Variants in TMEM232 observed in about 807,000 individuals in gnomAD.
The protein encoded by TMEM232 is transmembrane protein 232.
TMEM232 carries 80 observed loss-of-function variants against 78.8 expected under a neutral mutation model. That is an observed-to-expected ratio of 1.01 (90% CI 0.85 to 1.22). The LOEUF is 1.22. TMEM232 is among the 50% of genes most tolerant of loss of function. The pLI is 0.00. For missense variants in TMEM232, 881 were observed against 742.2 expected, an observed-to-expected ratio of 1.19 and a Z score of -2.17; for synonymous variants, 297 against 254.3, an observed-to-expected ratio of 1.17 and a Z score of -1.60.
intron 12 of TMEM232, among the ~76,000 whole-genome samples, chr5:110,449,266 AGG>A (rs974711404): frequency 1.1e-4 from 17 of 152,084 alleles, no homozygotes; most frequent in Non-Finnish European, 2.4e-4. Context: ...AATGACATGA[AGG>A]AAATATGCCA....
At chr5:110,690,546 G>C (rs141312572) in intron 1 of TMEM232, among the ~76,000 whole-genome samples, 1,790 of 152,210 alleles carry the variant, frequency 0.012, 45 homozygotes, top group African/African-American at 0.04. Flanking sequence ...TTAGTTCAAC[G>C]ATTGTGGAAG....
At chr5:110,721,772 T>G (rs1466569082) in intron 1 of TMEM232, among the ~76,000 whole-genome samples, 1 of 148,638 alleles carries the variant, frequency 6.7e-6, no homozygotes, top group Non-Finnish European at 1.5e-5. Flanking sequence ...CTGTTTTGTA[T>G]ATTAGACATC....
intron 1 of TMEM232, among the ~76,000 whole-genome samples, chr5:110,697,355 A>C (rs927875490): frequency 6.6e-6 from 1 of 152,190 alleles, no homozygotes; most frequent in Non-Finnish European, 1.5e-5. Context: ...CTAGAAGAAA[A>C]CCTAGGCAAT....
intron 1 of TMEM232, among the ~76,000 whole-genome samples, chr5:110,713,131 G>GA (rs112694958): frequency 2.6e-4 from 38 of 146,120 alleles, no homozygotes; most frequent in Admixed American, 5.5e-4. Context: ...TATGTTAAGA[G>GA]AAAAAAAAAA....
chr5:110,478,886 T>C (rs990912582), intron 12 of TMEM232, among the ~76,000 whole-genome samples: 18 of 146,630 alleles, frequency 1.2e-4, no homozygotes, highest in Admixed American at 9.5e-4. Flanking sequence ...TATGAGCAGA[T>C]GGAGAAATTG....
chr5:110,436,305 A>G (rs1758427581), intron 12 of TMEM232, among the ~76,000 whole-genome samples: 1 of 151,872 alleles, frequency 6.6e-6, no homozygotes, highest in Admixed American at 6.6e-5. Flanking sequence ...AAATCAGATT[A>G]TTGGAATTTT....
downstream of TMEM232, among the ~76,000 whole-genome samples, chr5:110,418,694 AAAG>A (rs1756372936): frequency 6.6e-6 from 1 of 152,172 alleles, no homozygotes. Flanking sequence ...TGGAAGTAAG[AAAG>A]AAGGTGAACA....
intron 2 of TMEM232, among the ~76,000 whole-genome samples, chr5:110,647,925 C>T (rs1302577435): frequency 6.6e-6 from 1 of 151,920 alleles, no homozygotes; most frequent in African/African-American, 2.4e-5. Context: ...TACATTTATA[C>T]ATATCATTAT....
Position 110,390,265 on chromosome 5 carries a change from C to T in TMEM232, n.615+151G>A, listed in dbSNP as rs73782445. ...ACTGATACAATCTCACTGCAGGAGT[C>T]GTACCTCACAGAAGAGAATGGTCAG... On this transcript the variant is annotated intron_variant and non_coding_transcript_variant, in intron 4 of 8. Transcript: ENST00000507188. 4.3e-3 allele frequency among the ~76,000 whole-genome samples: 657 copies of T among 152,242 alleles called. 5 individuals are homozygous for T. Among genetic ancestry groups the T allele is most frequent in the African/African-American group, 0.015 (626 of 41,526 alleles).
At chr5:110,690,782 T>C (rs1350359922) in intron 1 of TMEM232, among the ~76,000 whole-genome samples, 1 of 152,152 alleles carries the variant, frequency 6.6e-6, no homozygotes, top group Non-Finnish European at 1.5e-5. Context: ...CACCATGGAA[T>C]ACTATGCAGC....
intron 12 of TMEM232, among the ~76,000 whole-genome samples, chr5:110,470,850 C>T (rs557048994): frequency 8.9e-4 from 135 of 152,280 alleles, no homozygotes; most frequent in Non-Finnish European, 1.1e-3. Context: ...GAAAATCTGA[C>T]ACCACCAAAG....
At chr5:110,496,407 A>G (rs1580933687) in intron 12 of TMEM232, among the ~76,000 whole-genome samples, 1 of 152,140 alleles carries the variant, frequency 6.6e-6, no homozygotes, top group South Asian at 2.1e-4. Flanking sequence ...CGTAATTTTC[A>G]TATCTGTAAT....
intron 12 of TMEM232, among the ~76,000 whole-genome samples, chr5:110,462,230 G>T (rs890280990): frequency 6.6e-6 from 1 of 152,202 alleles, no homozygotes; most frequent in African/African-American, 2.4e-5. Context: ...TTTGGAAGAA[G>T]TTGATTCCAG....
intron 1 of TMEM232, among the ~76,000 whole-genome samples, chr5:110,721,673 G>GTATATATATATATATATATA (rs10522202): frequency 0.011 from 388 of 35,446 alleles, 85 homozygotes; most frequent in Middle Eastern, 0.042. Flanking sequence ...GTGTGTGTGT[G>GTATATATATATATATATATA]TATATATATA....
intron 10 of TMEM232, among the ~76,000 whole-genome samples, chr5:110,573,291 C>A (rs114465334): frequency 0.034 from 5,165 of 152,054 alleles, 132 homozygotes; most frequent in African/African-American, 0.065. Context: ...AATGAGTGTA[C>A]ATAAGTATAG....
intron 1 of TMEM232, among the ~76,000 whole-genome samples, chr5:110,702,359 C>T (rs909080472): frequency 7.2e-5 from 11 of 151,894 alleles, no homozygotes; most frequent in South Asian, 2.1e-4. Context: ...AGCATACCCC[C>T]TTGTCTGAGG....
intron 12 of TMEM232, among the ~76,000 whole-genome samples, chr5:110,499,695 A>G (rs947059239): frequency 3.3e-5 from 5 of 151,564 alleles, no homozygotes; most frequent in Non-Finnish European, 7.4e-5. Context: ...TGGAAATATT[A>G]ATATCAGACC....
At chr5:110,673,176 C>T (rs940335916) in intron 1 of TMEM232, among the ~76,000 whole-genome samples, 1 of 152,190 alleles carries the variant, frequency 6.6e-6, no homozygotes, top group Non-Finnish European at 1.5e-5. Flanking sequence ...AGCTGGAAAC[C>T]ATCATTCTCA....
At chr5:110,653,033 T>C (rs532338574) in intron 2 of TMEM232, among the ~76,000 whole-genome samples, 1 of 152,334 alleles carries the variant, frequency 6.6e-6, no homozygotes, top group South Asian at 2.1e-4. Flanking sequence ...CTTTTTAAGC[T>C]GACAATTCAT....
Sources: gnomAD v4.1 joint callset for allele counts (sites outside exome capture counted in the v4.1 genomes callset) on GRCh38, gnomAD v4.1.1 for gene constraint, MANE v1.5 for transcripts, NCBI Gene and HGNC (gene_info 2026-07-23, HGNC 2026-07-21) for gene names.